RANBP2: variants seen among roughly 807,000 people sequenced by gnomAD.
The protein encoded by RANBP2 is E3 SUMO-protein ligase RanBP2.
Under a neutral mutation model 303.6 loss-of-function variants are expected in RANBP2, and 57 were observed. The observed-to-expected ratio is 0.19, with a 90% CI of 0.15 to 0.23. The LOEUF is 0.23. Among genes scored for constraint, RANBP2 ranks in the 10% least tolerant of loss-of-function variants. The pLI, the probability that RANBP2 is intolerant of heterozygous loss-of-function variation, is 1.00. For synonymous variants in RANBP2, 1,167 were observed against 1,301.5 expected, an observed-to-expected ratio of 0.90 and a Z score of 2.23; for missense variants, 3,138 against 3,780.8, an observed-to-expected ratio of 0.83 and a Z score of 4.46.
chr2:108,829,469 A>AACAGGGCTGT, the RANBP2 span, among the ~76,000 whole-genome samples: 623 of 152,330 alleles, frequency 4.1e-3, 7 homozygotes, highest in African/African-American at 0.015. Flanking sequence ...TTAAAAAATA[A>AACAGGGCTGT]ACATGGTGGC....
At chr2:109,695,077 C>T in the RANBP2 span, among the ~76,000 whole-genome samples, 6 of 152,128 alleles carry the variant, frequency 3.9e-5, no homozygotes, top group South Asian at 1.2e-3. Context: ...TACTATTGAG[C>T]CCACTCAGAG....
At chr2:108,855,954 T>TC in the RANBP2 span, among the ~76,000 whole-genome samples, 1 of 152,212 alleles carries the variant, frequency 6.6e-6, no homozygotes, top group African/African-American at 2.4e-5. Context: ...CGGTTTTTTT[T>TC]CCCTCTGAAT....
the RANBP2 span, among the ~76,000 whole-genome samples, chr2:109,440,182 T>C: frequency 6.6e-6 from 1 of 152,138 alleles, no homozygotes; most frequent in Non-Finnish European, 1.5e-5. Context: ...AGAAGTCCAG[T>C]GTGTAGATGA....
the RANBP2 span, among the ~76,000 whole-genome samples, chr2:109,641,385 A>C: frequency 6.6e-6 from 1 of 152,242 alleles, no homozygotes; most frequent in Non-Finnish European, 1.5e-5. Flanking sequence ...AATGTGGTCC[A>C]TACACACAAT....
chr2:109,546,171 T>C, the RANBP2 span: 1 of 1,609,986 alleles, frequency 6.2e-7, no homozygotes, highest in Non-Finnish European at 8.5e-7. Context: ...AAAAGTCTTC[T>C]CTTTTCTTCA....
At chr2:109,178,297 T>C in the RANBP2 span, among the ~76,000 whole-genome samples, 1 of 152,370 alleles carries the variant, frequency 6.6e-6, no homozygotes, top group Admixed American at 6.5e-5. Flanking sequence ...TTTTTAGAGC[T>C]CTTTTATGAA....
chr2:109,281,593 G>A, the RANBP2 span, among the ~76,000 whole-genome samples: 1 of 152,192 alleles, frequency 6.6e-6, no homozygotes, highest in East Asian at 1.9e-4. Context: ...CTCTGGGATC[G>A]AGCTCCAGGT....
At chr2:108,820,236 C>T in the RANBP2 span, among the ~76,000 whole-genome samples, 5,678 of 152,000 alleles carry the variant, frequency 0.037, 148 homozygotes, top group Non-Finnish European at 0.056. Flanking sequence ...GGTGCGACCC[C>T]GTGCCTACAA....
At chr2:109,165,440 A>G in the RANBP2 span, among the ~76,000 whole-genome samples, 1 of 152,142 alleles carries the variant, frequency 6.6e-6, no homozygotes, top group Non-Finnish European at 1.5e-5. Flanking sequence ...TGCTAGAAGG[A>G]AAGTTAAGTT....
At chr2:109,268,592 G>A in the RANBP2 span, among the ~76,000 whole-genome samples, 4 of 152,242 alleles carry the variant, frequency 2.6e-5, no homozygotes, top group Admixed American at 2.6e-4. Context: ...CCAGGGAGAG[G>A]TCCCCCACTG....
At chr2:109,133,090 G>A in the RANBP2 span, among the ~76,000 whole-genome samples, 2 of 152,188 alleles carry the variant, frequency 1.3e-5, no homozygotes, top group Admixed American at 6.5e-5. Flanking sequence ...TGACAGTAGA[G>A]GTAGTGAGTG....
chr2:108,844,828 A>G, the RANBP2 span, among the ~76,000 whole-genome samples: 1 of 151,108 alleles, frequency 6.6e-6, no homozygotes, highest in South Asian at 2.1e-4. Flanking sequence ...GCTCACTGCA[A>G]CCTCCGACTC....
At chr2:108,741,495 CTTTTTTTTTTTTTTTT>C (rs34872068) in intron 7 of RANBP2, among the ~76,000 whole-genome samples, 9 of 61,798 alleles carry the variant, frequency 1.5e-4, no homozygotes, top group East Asian at 6.5e-4. Context: ...TGCGCCTGGC[CTTTTTTTTTTTTTTTT>C]TTTTTTTTTT....
chr2:109,242,761 C>T, the RANBP2 span, among the ~76,000 whole-genome samples: 1 of 152,180 alleles, frequency 6.6e-6, no homozygotes, highest in African/African-American at 2.4e-5. Context: ...CTTCTTTCCC[C>T]AGTGACGTCC....
the RANBP2 span, among the ~76,000 whole-genome samples, chr2:109,428,179 G>C: frequency 6.6e-6 from 1 of 152,266 alleles, no homozygotes; most frequent in African/African-American, 2.4e-5. Flanking sequence ...AAAAGTAGAA[G>C]TGGGACTTCT....
chr2:109,715,699 T>G, the RANBP2 span, among the ~76,000 whole-genome samples: 3 of 152,126 alleles, frequency 2.0e-5, no homozygotes, highest in Non-Finnish European at 4.4e-5. Flanking sequence ...CAGCTCAACC[T>G]TCAGCTCTTC....
chr2:109,233,426 A>G, the RANBP2 span, among the ~76,000 whole-genome samples: 24 of 152,156 alleles, frequency 1.6e-4, no homozygotes, highest in Non-Finnish European at 3.2e-4. Flanking sequence ...ATGTTCAGAC[A>G]CTTCGTGTCT....
At chr2:108,921,815 G>A in the RANBP2 span, among the ~76,000 whole-genome samples, 1 of 152,236 alleles carries the variant, frequency 6.6e-6, no homozygotes, top group African/African-American at 2.4e-5. Context: ...TCCCAGATGG[G>A]CAAGCCGAGG....
the RANBP2 span, among the ~76,000 whole-genome samples, chr2:109,150,850 A>G: frequency 1.4e-4 from 21 of 152,308 alleles, no homozygotes; most frequent in East Asian, 1.3e-3. Context: ...TGCTTTTACC[A>G]TACTATAAAT....
Sources: allele counts gnomAD v4.1 joint callset (sites outside exome capture counted in the v4.1 genomes callset), GRCh38; gene constraint gnomAD v4.1.1; transcripts MANE v1.5; gene names NCBI Gene and HGNC (gene_info 2026-07-23, HGNC 2026-07-21).